The following HACD2 variants were observed in gnomAD, a reference collection of about 807,000 sequenced individuals.
HACD2 encodes 3-hydroxyacyl-CoA dehydratase 2.
Under a neutral mutation model 31.0 loss-of-function variants are expected in HACD2, and 15 were observed. The observed-to-expected ratio is 0.48, with a 90% CI of 0.32 to 0.75. HACD2 has a LOEUF of 0.75. Among genes scored for constraint, HACD2 ranks in the 30% least tolerant of loss-of-function variants. HACD2 has a pLI of 0.03. For missense variants in HACD2, 283 were observed against 313.0 expected (o/e 0.90, Z 0.72); for synonymous variants, 115 against 122.2 (o/e 0.94, Z 0.39).
At chr3:123,515,757 G>T (rs73188542) in intron 4 of HACD2, among the ~76,000 whole-genome samples, 35,715 of 151,886 alleles carry the variant, frequency 0.24, 4,458 homozygotes, top group East Asian at 0.36. Context: ...GTATGTTGGG[G>T]TTTTTTGTTT....
At position 123,500,813 on chromosome 3, in the gene HACD2, G is replaced by A. The variant is rs1191339190; in HGVS notation, c.504-120C>T. ...AAAATGATTGTTTATACATTTTCCT[G>A]TTTACCTGCTACTCAAATTCAGGTT... is the stretch of plus-strand genomic sequence containing the variant. On this transcript the variant is annotated intron_variant, in intron 5 of 6. Transcript: ENST00000383657. 5.5e-6 allele frequency: 3 copies of A among 542,910 alleles called. No homozygotes were observed. In the East Asian group the frequency reaches 9.8e-5, roughly 18 times the overall value. 33.6% of individuals were successfully genotyped at this position (542,910 alleles called of 1,614,324 possible). A position where few individuals can be genotyped will look rare whatever the true frequency, so the allele number is the denominator to read the frequency against.
chr3:123,530,836 G>A (rs534500988), intron 3 of HACD2, among the ~76,000 whole-genome samples: 3 of 152,036 alleles, frequency 2.0e-5, no homozygotes, highest in South Asian at 2.1e-4. Flanking sequence ...ACAGGCGTGA[G>A]CCCCCATGCC....
chr3:123,555,886 C>T (rs2056667706), intron 3 of HACD2, among the ~76,000 whole-genome samples: 4 of 152,036 alleles, frequency 2.6e-5, no homozygotes, highest in South Asian at 2.1e-4. Context: ...AACAGAGGGG[C>T]CAGAAATAGA....
At chr3:123,576,845 T>G (rs1409893687) in intron 2 of HACD2, among the ~76,000 whole-genome samples, 6 of 152,212 alleles carry the variant, frequency 3.9e-5, no homozygotes, top group Non-Finnish European at 8.8e-5. Flanking sequence ...CACTGCAAGT[T>G]TCTAAGACTT....
intron 4 of HACD2, among the ~76,000 whole-genome samples, chr3:123,526,250 T>C (rs2056281786): frequency 6.6e-6 from 1 of 152,226 alleles, no homozygotes; most frequent in Non-Finnish European, 1.5e-5. Flanking sequence ...CTTTTCAAGT[T>C]AGCTGTCGAA....
intron 3 of HACD2, among the ~76,000 whole-genome samples, chr3:123,535,325 G>C (rs1348580468): frequency 6.6e-6 from 1 of 152,180 alleles, no homozygotes; most frequent in African/African-American, 2.4e-5. Flanking sequence ...AGACCATATG[G>C]CCTAGGTGTG....
chr3:123,572,679 A>G (rs193001650), intron 2 of HACD2, among the ~76,000 whole-genome samples: 85 of 152,332 alleles, frequency 5.6e-4, no homozygotes, highest in Admixed American at 2.7e-3. Flanking sequence ...AATTTGAACT[A>G]GGGGAATTAT....
chr3:123,502,539 T>C (rs1171980822), intron 5 of HACD2, 21 bp downstream of exon 5: 1 of 1,608,194 alleles, frequency 6.2e-7, no homozygotes, highest in South Asian at 1.1e-5. Flanking sequence ...AAAGTGAGCC[T>C]TTTGAAATGT....
chr3:123,574,901 T>G (rs2056892410), intron 2 of HACD2, among the ~76,000 whole-genome samples: 2 of 152,176 alleles, frequency 1.3e-5, no homozygotes, highest in South Asian at 4.1e-4. Context: ...TATTATCAAT[T>G]TAAAAATTTA....
rs908961408 is a variant in HACD2 at position 123,537,205 on chromosome 3, TAA to T, written c.293-8733_293-8732del. On this transcript the variant is annotated intron_variant, in intron 3 of 6. Transcript: ENST00000383657. Reference sequence around the variant, plus strand: ...ATTGTCTAAATGTCCTTAATAGAGTTAAGAGATGTTATGTAAAATGAAAATAT... The same window carrying T: ...ATTGTCTAAATGTCCTTAATAGAGTTGAGATGTTATGTAAAATGAAAATAT... Among the ~76,000 whole-genome samples, 13 of 152,330 alleles carry T rather than the reference TAA, an allele frequency of 8.5e-5. No homozygotes were observed. In the South Asian group the frequency reaches 1.2e-3, roughly 15 times the overall value.
chr3:123,493,611 A>T lies in HACD2; in HGVS notation c.*1277T>A, dbSNP rs2055794000. 1 of 151,740 alleles carries T rather than the reference A, an allele frequency of 6.6e-6. No individual in the cohort carries two copies. The highest frequency in any genetic ancestry group is 6.6e-5 in the Admixed American group (1 of 15,204). The allele number at this position is 151,740 out of a possible 1,614,324, so 9.4% of individuals were successfully genotyped here. ...ATTTTCATCCAACTCTTTCTTTCTT[A>T]TTTTTTTTCAGTTTACCTACAGTTG... On this transcript the variant is annotated 3_prime_UTR_variant, in exon 7 of 7. Coordinates refer to ENST00000383657, the MANE Select transcript of HACD2 (RefSeq NM_198402.5).
At chr3:123,571,487 G>A (rs2056855128) in intron 2 of HACD2, among the ~76,000 whole-genome samples, 1 of 152,188 alleles carries the variant, frequency 6.6e-6, no homozygotes, top group Non-Finnish European at 1.5e-5. Flanking sequence ...GATTCAGCAG[G>A]CCACTCTGGC....
intron 4 of HACD2, among the ~76,000 whole-genome samples, chr3:123,516,078 A>G (rs1274224381): frequency 2.6e-5 from 4 of 151,898 alleles, no homozygotes; most frequent in Admixed American, 1.3e-4. Context: ...GTCTTTTCAC[A>G]CAACAATTTT....
rs756189963 is a variant in HACD2 at position 123,584,866 on chromosome 3, G to C, written c.155+7C>G. The C allele has an allele frequency of 2.0e-6, 3 of 1,496,234 alleles. No individual in the cohort carries two copies. The highest frequency in any genetic ancestry group is 2.7e-6 in the Non-Finnish European group (3 of 1,122,934). 92.7% of individuals were successfully genotyped at this position (1,496,234 alleles called of 1,614,324 possible). A position where few individuals can be genotyped will look rare whatever the true frequency, so the allele number is the denominator to read the frequency against. On this transcript the variant is annotated splice_region_variant and intron_variant, in intron 1 of 6. Transcript: ENST00000383657. The stretch of plus-strand genomic sequence containing the variant: ...TGGCTCCCCGCCTCCCCGAGCCCCA[G>C]CCTCACCCGGCTGTCATCACCACAT...
At chr3:123,583,538 C>A (rs2056988029) in intron 1 of HACD2, among the ~76,000 whole-genome samples, 1 of 152,094 alleles carries the variant, frequency 6.6e-6, no homozygotes, top group Non-Finnish European at 1.5e-5. Context: ...AGATCTGGAA[C>A]TTCTACTAAC....
At chr3:123,520,031 A>G (rs1024898672) in intron 4 of HACD2, among the ~76,000 whole-genome samples, 1 of 152,196 alleles carries the variant, frequency 6.6e-6, no homozygotes, top group African/African-American at 2.4e-5. Context: ...ATGGTTTCCA[A>G]CAAAGGCAAA....
chr3:123,547,951 TA>T (rs1246981786), intron 3 of HACD2, among the ~76,000 whole-genome samples: 1 of 152,006 alleles, frequency 6.6e-6, no homozygotes, highest in Non-Finnish European at 1.5e-5. Context: ...TCACACTTAC[TA>T]AAGCACACAG....
intron 3 of HACD2, among the ~76,000 whole-genome samples, chr3:123,539,911 T>TGAA (rs770367599): frequency 3.7e-4 from 9 of 24,480 alleles, no homozygotes; most frequent in African/African-American, 1.9e-3. Context: ...TCGTCTCTAC[T>TGAA]AAAAAAAAAA....
intron 3 of HACD2, among the ~76,000 whole-genome samples, chr3:123,567,529 A>G (rs2056804648): frequency 6.6e-6 from 1 of 152,226 alleles, no homozygotes; most frequent in Non-Finnish European, 1.5e-5. Context: ...CACCTCTTTT[A>G]AATTAACAGA....
Sources: gnomAD v4.1 joint callset for allele counts (sites outside exome capture counted in the v4.1 genomes callset) on GRCh38, gnomAD v4.1.1 for gene constraint, MANE v1.5 for transcripts, NCBI Gene and HGNC (gene_info 2026-07-23, HGNC 2026-07-21) for gene names.